The following TTLL1 variants were observed in gnomAD, a reference collection of about 807,000 sequenced individuals.
TTLL1 encodes the protein polyglutamylase complex subunit TTLL1.
Under a neutral mutation model 47.8 loss-of-function variants are expected in TTLL1, and 33 were observed. The observed-to-expected ratio is 0.69, with a 90% CI of 0.52 to 0.92. The LOEUF (loss-of-function observed/expected upper bound fraction) is 0.92, where lower values mean the gene tolerates loss of function less well. Among genes scored for constraint, TTLL1 ranks in the 40% least tolerant of loss-of-function variants. The pLI is 0.00. For missense variants in TTLL1, 488 were observed against 547.5 expected, an observed-to-expected ratio of 0.89 and a Z score of 1.08; for synonymous variants, 225 against 214.1, an observed-to-expected ratio of 1.05 and a Z score of -0.45.
chr22:43,042,456 A>T (rs1397561726), intron 10 of TTLL1, among the ~76,000 whole-genome samples: 1 of 152,120 alleles, frequency 6.6e-6, no homozygotes, highest in Non-Finnish European at 1.5e-5. Context: ...CAATCTAGTC[A>T]CTGTTAGGGT....
intron 10 of TTLL1, among the ~76,000 whole-genome samples, chr22:43,041,733 C>T (rs912382418): frequency 6.6e-6 from 1 of 152,014 alleles, no homozygotes; most frequent in South Asian, 2.1e-4. Context: ...CCAGACTGGC[C>T]TCGAACCCCT....
chr22:43,063,984 A>T, intron 6 of TTLL1, 63 bp from the exon 7 acceptor site: 1 of 1,557,482 alleles, frequency 6.4e-7, no homozygotes, highest in Non-Finnish European at 8.8e-7. Context: ...ACACCACTTC[A>T]TTCTCTAAAA....
chr22:43,077,450 T>C (rs1224610564), intron 2 of TTLL1, among the ~76,000 whole-genome samples: 1 of 152,114 alleles, frequency 6.6e-6, no homozygotes, highest in East Asian at 1.9e-4. Context: ...ACCCTGGAGC[T>C]CTGTATCAAG....
At chr22:43,059,149 C>T (rs1348697778) in intron 8 of TTLL1, among the ~76,000 whole-genome samples, 1 of 151,834 alleles carries the variant, frequency 6.6e-6, no homozygotes, top group Non-Finnish European at 1.5e-5. Flanking sequence ...GCCACCATGC[C>T]CGGCTAATTT....
At chr22:43,046,703 CTT>C in intron 9 of TTLL1, 130 bp from the exon 10 acceptor site, 2 of 1,097,174 alleles carry the variant, frequency 1.8e-6, no homozygotes, top group South Asian at 1.6e-5. Flanking sequence ...GAGTTTCGCT[CTT>C]GTTGCCCAGG....
In TTLL1 at chr22:43,063,812, C is replaced by T. The variant is rs1445301320; in HGVS notation, c.747+1G>A. ...AAGCACAAATGAAAGGACACACTCA[C>T]CCCGTGTTTCTGGATGGCGACGTTG... On this transcript the variant is annotated splice_donor_variant, in intron 7 of 10. Transcript: ENST00000266254. LOFTEE classifies it high-confidence loss of function. The T allele has an allele frequency of 3.7e-6, 6 of 1,613,490 alleles. No homozygotes were observed. The highest frequency in any genetic ancestry group is 2.2e-5 in the South Asian group (2 of 91,068).
intron 10 of TTLL1, among the ~76,000 whole-genome samples, chr22:43,044,721 T>C (rs942084114): frequency 8.6e-5 from 13 of 152,030 alleles, no homozygotes; most frequent in Non-Finnish European, 1.3e-4. Flanking sequence ...TGCATTCGCA[T>C]GTAAGCCACC....
intron 1 of TTLL1, among the ~76,000 whole-genome samples, chr22:43,088,324 C>CCTTTTTTTTTT (rs1929375639): frequency 1.1e-4 from 6 of 56,468 alleles, no homozygotes; most frequent in African/African-American, 4.4e-4. Flanking sequence ...AAGGGCCCAT[C>CCTTTTTTTTTT]TTTTTTTTTT....
chr22:43,067,570 T>C (rs935039276), intron 5 of TTLL1, among the ~76,000 whole-genome samples: 2 of 151,504 alleles, frequency 1.3e-5, no homozygotes, highest in Non-Finnish European at 2.9e-5. Flanking sequence ...TTGGGCAGAG[T>C]CTGGGACTAA....
intron 5 of TTLL1, among the ~76,000 whole-genome samples, chr22:43,065,070 G>A (rs928424668): frequency 1.3e-5 from 2 of 151,170 alleles, no homozygotes; most frequent in South Asian, 2.1e-4. Flanking sequence ...GCTTGAACCC[G>A]GGAGGCAGAG....
chr22:43,043,287 T>C (rs1422611816), intron 10 of TTLL1, among the ~76,000 whole-genome samples: 2 of 151,886 alleles, frequency 1.3e-5, no homozygotes, highest in African/African-American at 4.8e-5. Context: ...GCCCACTCCC[T>C]CAAGAAGTCC....
intron 2 of TTLL1, among the ~76,000 whole-genome samples, chr22:43,078,035 G>T (rs889094693): frequency 2.0e-5 from 3 of 151,758 alleles, no homozygotes; most frequent in African/African-American, 7.3e-5. Context: ...TTGAATCTGG[G>T]AGGTCAAGCT....
intron 10 of TTLL1, among the ~76,000 whole-genome samples, chr22:43,043,708 G>A (rs1048800732): frequency 1.3e-5 from 2 of 152,050 alleles, no homozygotes; most frequent in Non-Finnish European, 2.9e-5. Flanking sequence ...GCAGCCCCTG[G>A]TGTGGAGACT....
rs772520024 is a variant in TTLL1, at chr22:43,051,865, T to A, written c.914A>T (p.His305Leu). The A allele has an allele frequency of 6.2e-7, 1 of 1,613,990 alleles. No homozygotes were observed. Among genetic ancestry groups the A allele is most frequent in the Non-Finnish European group, 8.5e-7 (1 of 1,179,990 alleles). ...GTCGTAGCCATAGCATTCAAAGCAG[T>A]GCTTGTCATTGTTCATCACCGGCTG... Reference protein sequence around the residue: ...AVAPVMNNDKHCFECYGYDII... With the variant: ...AVAPVMNNDKLCFECYGYDII... The change falls in exon 9 of 11, where the codon CAC (histidine) becomes CTC (leucine). Residue 305 changes from histidine to leucine, a missense_variant. By Grantham distance (99) the His-to-Leu change is moderately conservative. Transcript: ENST00000266254.
chr22:43,075,616 T>C, intron 2 of TTLL1, 26 bp from the exon 3 acceptor site: 4 of 1,600,320 alleles, frequency 2.5e-6, no homozygotes, highest in Non-Finnish European at 3.4e-6. Flanking sequence ...ATATTAGAGA[T>C]ATGAAACTTC....
chr22:43,060,739 G>T (rs560710071), intron 7 of TTLL1, among the ~76,000 whole-genome samples: 1 of 152,118 alleles, frequency 6.6e-6, no homozygotes, highest in Non-Finnish European at 1.5e-5. Flanking sequence ...GCTTATCTTT[G>T]AAGGCAAAGA....
Position 43,059,476 on chromosome 22 carries a change from G to C in TTLL1, c.799C>G (p.Leu267Val). 6.2e-7 allele frequency: 1 copy of C among 1,614,000 alleles called. No homozygotes were observed. The highest frequency in any genetic ancestry group is 8.5e-7 in the Non-Finnish European group (1 of 1,179,970). Residue 267 changes from leucine to valine, a missense_variant, in exon 8 of 11, where the codon CTC becomes GTC. Transcript: ENST00000266254. ...GGKWTVSNLR[L>V]YLESTRGKEV... is the part of the protein sequence containing the mutation. ...TTGCCGCGGGTGCTCTCCAGGTAGA[G>C]CCGCAGGTTACTCACTGTCCACTTG...
chr22:43,074,753 T>C lies in TTLL1; in HGVS notation c.113+721A>G, dbSNP rs554205520. Among the ~76,000 whole-genome samples the C allele has an allele frequency of 4.6e-5, 7 of 152,016 alleles. 1 individual carries two copies. The South Asian group carries it at 1.5e-3, about 32-fold the overall frequency. ...AAGAATAACTCCAAACTGCTTCTTA[T>C]TCATGGCCGGACATGGTGGCTCATG... On this transcript the variant is annotated intron_variant, in intron 3 of 10. Coordinates refer to ENST00000266254, the MANE Select transcript of TTLL1 (RefSeq NM_012263.5).
chr22:43,072,541 G>A (rs1015275898), intron 3 of TTLL1, among the ~76,000 whole-genome samples: 1 of 151,788 alleles, frequency 6.6e-6, no homozygotes, highest in Non-Finnish European at 1.5e-5. Context: ...GCACAATCAA[G>A]GCTCACTGTA....
Sources: allele counts gnomAD v4.1 joint callset (sites outside exome capture counted in the v4.1 genomes callset), GRCh38; gene constraint gnomAD v4.1.1; transcripts MANE v1.5; gene names NCBI Gene and HGNC (gene_info 2026-07-23, HGNC 2026-07-21).